The following CCNYL1 variants were observed in gnomAD, a reference collection of about 807,000 sequenced individuals.
CCNYL1 encodes the protein cyclin Y like 1, also known as cyclin-Y-like protein 1.
In CCNYL1, 16 loss-of-function variants were observed where a neutral mutation model predicts 44.2. The observed-to-expected ratio is 0.36, with a 90% CI of 0.25 to 0.55. CCNYL1 has a LOEUF of 0.55. Among genes scored for constraint, CCNYL1 ranks in the 20% least tolerant of loss-of-function variants. The pLI is 0.85. For missense variants in CCNYL1, 348 were observed against 451.8 expected (o/e 0.77, Z 2.08); for synonymous variants, 159 against 163.2 (o/e 0.97, Z 0.20).
chr2:207,729,888 T>G (rs1158408233), intron 3 of CCNYL1, among the ~76,000 whole-genome samples: 15 of 151,960 alleles, frequency 9.9e-5, no homozygotes, highest in Non-Finnish European at 1.5e-5. Flanking sequence ...GCTAATTTTT[T>G]TTTTTTTAGT....
chr2:207,742,155 A>C, intron 6 of CCNYL1, 68 bp from the exon 7 acceptor site: 1 of 1,330,328 alleles, frequency 7.5e-7, no homozygotes, highest in Non-Finnish European at 1.0e-6. Flanking sequence ...CAGTCTCAAA[A>C]AAAAAAAAAA....
intron 5 of CCNYL1, among the ~76,000 whole-genome samples, chr2:207,739,278 G>A (rs2091789796): frequency 6.6e-6 from 1 of 152,134 alleles, no homozygotes; most frequent in African/African-American, 2.4e-5. Flanking sequence ...TGTTGCCCAG[G>A]CTGGAGGGCA....
In CCNYL1 at chr2:207,753,721, C is replaced by T. The variant is rs768330386; in HGVS notation, c.*23C>T. 1.4e-5 allele frequency: 20 copies of T among 1,411,766 alleles called. No homozygotes were observed. The highest frequency in any genetic ancestry group is 2.8e-5 in the African/African-American group (2 of 70,440). 87.5% of individuals were successfully genotyped at this position (1,411,766 alleles called of 1,614,324 possible). Reference sequence around the variant, plus strand: ...TAAAAGGAGAAATGAGGGGTTATAACGTCATGGGACCTTCATCTACAAAGA... The same window carrying T: ...TAAAAGGAGAAATGAGGGGTTATAATGTCATGGGACCTTCATCTACAAAGA... On this transcript the variant is annotated 3_prime_UTR_variant, in exon 10 of 10. Coordinates refer to ENST00000295414, the MANE Select transcript of CCNYL1 (RefSeq NM_001330218.2).
chr2:207,753,934 C>T lies in CCNYL1; in HGVS notation c.*236C>T. ...TGTAAACAGAGTTACAAAAACCACT[C>T]CAAAGTGAAGGCTCCCATCCTACAC... On this transcript the variant is annotated 3_prime_UTR_variant, in exon 10 of 10. Transcript: ENST00000295414. 1 of 397,510 alleles carries T rather than the reference C, an allele frequency of 2.5e-6. No homozygotes were observed. Among genetic ancestry groups the T allele is most frequent in the Non-Finnish European group, 4.5e-6 (1 of 221,546 alleles). 24.6% of individuals were successfully genotyped at this position (397,510 alleles called of 1,614,324 possible).
Position 207,752,298 on chromosome 2 carries a change from T to C in CCNYL1, c.969+1179T>C, listed in dbSNP as rs181063565. On this transcript the variant is annotated intron_variant, in intron 9 of 9. Transcript: ENST00000295414. ...GGCTCACACCTGTAATTCCAGCATTTTGGGAGGCCGAGGCAGGTGGATCAC... is the reference window on the plus strand; with the variant it reads ...GGCTCACACCTGTAATTCCAGCATTCTGGGAGGCCGAGGCAGGTGGATCAC... 5.3e-4 allele frequency among the ~76,000 whole-genome samples: 81 copies of C among 152,256 alleles called. No homozygotes were observed. The East Asian group carries it at 0.01, about 19-fold the overall frequency.
chr2:207,733,889 C>G, intron 3 of CCNYL1, 58 bp from the exon 4 acceptor site: 1 of 1,111,908 alleles, frequency 9.0e-7, no homozygotes, highest in Non-Finnish European at 1.4e-6. Context: ...AAGGAAAAAC[C>G]ACACTTTTAT....
At chr2:207,735,200 G>A (rs2091755769) in intron 4 of CCNYL1, among the ~76,000 whole-genome samples, 1 of 152,130 alleles carries the variant, frequency 6.6e-6, no homozygotes. Flanking sequence ...TTCTCAGTAA[G>A]TTTTAGAAAT....
chr2:207,711,988 A>T lies in CCNYL1; in HGVS notation c.92A>T (p.Asp31Val). 2.1e-6 allele frequency: 3 copies of T among 1,458,034 alleles called. No individual in the cohort carries two copies. In the South Asian group the frequency reaches 4.2e-5, roughly 20 times the overall value. 90.3% of individuals were successfully genotyped at this position (1,458,034 alleles called of 1,614,324 possible). A position where few individuals can be genotyped will look rare whatever the true frequency, so the allele number is the denominator to read the frequency against. Residue 31 changes from aspartate (D) to valine (V), a missense_variant, in exon 1 of 10, where the codon GAC (aspartate) becomes GTC (valine). Asp to Val is a radical substitution (Grantham distance 152). Transcript: ENST00000295414. ...AGSAELYCASDIYEAVSGDAV... is the reference protein window; with the variant it reads ...AGSAELYCASVIYEAVSGDAV... ...TCGGCGGAGCTGTACTGCGCGTCCG[A>T]CATCTACGAGGCGGTGTCCGGGGAC...
At chr2:207,724,972 T>C in intron 2 of CCNYL1, 98 bp downstream of exon 2, 3 of 924,954 alleles carry the variant, frequency 3.2e-6, no homozygotes, top group Non-Finnish European at 4.8e-6. Context: ...ACTGATGTAT[T>C]AGTTTAAAAT....
At chr2:207,730,315 C>T (rs1339735806) in intron 3 of CCNYL1, among the ~76,000 whole-genome samples, 1 of 152,178 alleles carries the variant, frequency 6.6e-6, no homozygotes, top group African/African-American at 2.4e-5. Context: ...TTCCAAGGTG[C>T]CATGTGCCTC....
chr2:207,736,222 A>G (rs1261039676), intron 4 of CCNYL1, among the ~76,000 whole-genome samples: 2 of 152,236 alleles, frequency 1.3e-5, no homozygotes, highest in Non-Finnish European at 2.9e-5. Context: ...TTGAAGCACT[A>G]TAGAAGTATC....
intron 4 of CCNYL1, 73 bp from the exon 5 acceptor site, chr2:207,737,338 A>G: frequency 1.7e-6 from 2 of 1,175,934 alleles, no homozygotes; most frequent in Non-Finnish European, 2.5e-6. Flanking sequence ...CCCTTCCCTC[A>G]TTTAAAAAAT....
chr2:207,725,212 C>T (rs376161111), intron 2 of CCNYL1, among the ~76,000 whole-genome samples: 3 of 151,062 alleles, frequency 2.0e-5, no homozygotes, highest in Non-Finnish European at 4.4e-5. Context: ...CTGCAGCCTC[C>T]ATCTCCCACG....
intron 8 of CCNYL1, among the ~76,000 whole-genome samples, chr2:207,747,896 T>C (rs934154679): frequency 3.3e-5 from 5 of 152,172 alleles, no homozygotes; most frequent in African/African-American, 1.2e-4. Context: ...CAGTTCAAGC[T>C]CCTTTCTCTT....
At chr2:207,750,850 A>C in intron 8 of CCNYL1, 107 bp from the exon 9 acceptor site, 1 of 930,552 alleles carries the variant, frequency 1.1e-6, no homozygotes, top group Non-Finnish European at 1.6e-6. Flanking sequence ...CCTATATTTT[A>C]AAATAGAGTT....
At chr2:207,739,177 AT>A (rs2091789174) in intron 5 of CCNYL1, among the ~76,000 whole-genome samples, 1 of 152,084 alleles carries the variant, frequency 6.6e-6, no homozygotes, top group African/African-American at 2.4e-5. Flanking sequence ...GAATTTTATC[AT>A]TGCAACAAAT....
intron 6 of CCNYL1, among the ~76,000 whole-genome samples, chr2:207,740,950 C>T (rs1333281160): frequency 3.3e-5 from 5 of 152,072 alleles, no homozygotes; most frequent in African/African-American, 1.2e-4. Flanking sequence ...CTTATGGTTA[C>T]AGGAAACTAA....
rs945519386 is a variant in CCNYL1 at position 207,755,272 on chromosome 2, C to G, written c.*1574C>G. On this transcript the variant is annotated 3_prime_UTR_variant, in exon 10 of 10. Transcript: ENST00000295414. ...GCATGTGTCTGTAGTCCCAGCCACT[C>G]TGGAGGCTAAGGTGGGAGGATCAGT... 6.6e-6 allele frequency: 1 copy of G among 152,078 alleles called. No individual in the cohort carries two copies. The highest frequency in any genetic ancestry group is 2.4e-5 in the African/African-American group (1 of 41,380). 9.4% of individuals were successfully genotyped at this position (152,078 alleles called of 1,614,324 possible).
intron 1 of CCNYL1, among the ~76,000 whole-genome samples, chr2:207,722,016 G>A (rs1180134916): frequency 6.6e-6 from 1 of 151,646 alleles, no homozygotes; most frequent in African/African-American, 2.4e-5. Context: ...TTGTTACTTG[G>A]GCTTATTTGG....
Sources: allele counts gnomAD v4.1 joint callset (sites outside exome capture counted in the v4.1 genomes callset), GRCh38; gene constraint gnomAD v4.1.1; transcripts MANE v1.5; gene names NCBI Gene and HGNC (gene_info 2026-07-23, HGNC 2026-07-21).